Variants in MATN1 observed in about 807,000 individuals in gnomAD.
MATN1 encodes the protein matrilin-1.
Under a neutral mutation model 41.3 loss-of-function variants are expected in MATN1, and 34 were observed. The ratio of observed to expected loss-of-function variants is 0.82; its 90% CI spans 0.63 to 1.10. The LOEUF (loss-of-function observed/expected upper bound fraction) is 1.10, where lower values mean the gene tolerates loss of function less well. Among genes scored for constraint, MATN1 ranks in the 50% least tolerant of loss-of-function variants. The pLI is 0.00. For missense variants in MATN1, 602 were observed against 662.4 expected, an observed-to-expected ratio of 0.91 and a Z score of 1.00; for synonymous variants, 264 against 278.7, an observed-to-expected ratio of 0.95 and a Z score of 0.53.
At position 30,716,881 on chromosome 1, in the gene MATN1, G is replaced by A; in HGVS notation, c.699C>T (p.Asp233=). The stretch of plus-strand genomic sequence containing the variant: ...GGGAGCTGATGCACACCTGCTCACA[G>A]TCATGGTCCCCTGTGGCGCACAGGT... ...VSDLCATGDH[D]CEQVCISSPG... Residue 233 remains aspartate, a synonymous_variant, in exon 4 of 8, where the codon GAC becomes GAT. Coordinates refer to ENST00000373765, the MANE Select transcript of MATN1 (RefSeq NM_002379.3). 2 of 1,613,868 alleles carry A rather than the reference G, an allele frequency of 1.2e-6. No homozygotes were observed. Among genetic ancestry groups the A allele is most frequent in the Non-Finnish European group, 1.7e-6 (2 of 1,179,920 alleles).
At chr1:30,722,802 CAGG>C (rs1216376317) in intron 1 of MATN1, among the ~76,000 whole-genome samples, 2 of 152,216 alleles carry the variant, frequency 1.3e-5, no homozygotes, top group African/African-American at 4.8e-5. Flanking sequence ...CAGAGTTCCT[CAGG>C]AGACCTTAGA....
chr1:30,718,611 T>G (rs917044769), intron 3 of MATN1, 124 bp downstream of exon 3: 2 of 41,068 alleles, frequency 4.9e-5, no homozygotes, highest in Non-Finnish European at 8.4e-5. Flanking sequence ...GCCCCGCCCC[T>G]GCCCTGCGCC....
At position 30,716,311 on chromosome 1, in the gene MATN1, C is replaced by T; in HGVS notation, c.805G>A (p.Gly269Ser). 1 of 1,613,702 alleles carries T rather than the reference C, an allele frequency of 6.2e-7. No individual in the cohort carries two copies. ...ACCAGGTCAGTGGCCGAGCTGCCAC[C>T]ACCACCACTGCAGACTGTGGAGGAC... The part of the protein sequence containing the change: ...GKTCNVCSGG[G>S]GSSATDLVFL... The change falls in exon 5 of 8, where the codon GGT (glycine) becomes AGT (serine). Residue 269 changes from glycine (G) to serine (S), a missense_variant. Coordinates refer to ENST00000373765, the MANE Select transcript of MATN1 (RefSeq NM_002379.3).
intron 2 of MATN1, chr1:30,719,427 T>G: frequency 1.9e-5 from 3 of 159,506 alleles, no homozygotes; most frequent in Admixed American, 6.5e-5. Context: ...GGGATGGGGC[T>G]GCCGTCTCCC....
rs1193534568 is a variant in MATN1 at position 30,712,073 on chromosome 1, C to T, written c.*1509G>A. 6.6e-6 allele frequency: 1 copy of T among 152,390 alleles called. No individual in the cohort carries two copies. Among genetic ancestry groups the T allele is most frequent in the Non-Finnish European group, 1.5e-5 (1 of 68,058 alleles). The allele number at this position is 152,390 out of a possible 1,614,324, so 9.4% of individuals were successfully genotyped here. A position where few individuals can be genotyped will look rare whatever the true frequency, so the allele number is the denominator to read the frequency against. ...CGTGTTGTTATTCTGCCTCTTTGAA[C>T]TGCCTCCGAGGAAGATCTTTCGGTG... On this transcript the variant is annotated 3_prime_UTR_variant, in exon 8 of 8. Coordinates refer to ENST00000373765, the MANE Select transcript of MATN1 (RefSeq NM_002379.3).
At chr1:30,720,356 C>T (rs1259996692) in intron 2 of MATN1, 2 of 152,254 alleles carry the variant, frequency 1.3e-5, no homozygotes, top group African/African-American at 2.4e-5. Flanking sequence ...ATCTACAGCA[C>T]CCCGTGCTGA....
chr1:30,713,837 C>A, intron 7 of MATN1: 1 of 615,016 alleles, frequency 1.6e-6, no homozygotes, highest in South Asian at 1.9e-5. Flanking sequence ...TGCTCAGTTG[C>A]AGATTTAGAC....
In MATN1 at chr1:30,713,382, C is replaced by T; in HGVS notation, c.*200G>A. On this transcript the variant is annotated 3_prime_UTR_variant, in exon 8 of 8. Transcript: ENST00000373765. ...GCCCACCCTCAGGCGCACGTGCACA[C>T]ACACACACACACACACACATGCACA... The T allele has an allele frequency of 1.8e-6, 1 of 552,714 alleles. No homozygotes were observed. The highest frequency in any genetic ancestry group is 3.3e-6 in the Non-Finnish European group (1 of 299,528). 34.2% of individuals were successfully genotyped at this position (552,714 alleles called of 1,614,324 possible).
intron 2 of MATN1, 115 bp downstream of exon 2, chr1:30,721,290 A>G (rs1032659803): frequency 7.8e-6 from 8 of 1,021,766 alleles, no homozygotes; most frequent in South Asian, 4.6e-5. Context: ...TTCCCCAGCT[A>G]TGAAATGGCC....
intron 7 of MATN1, 134 bp from the exon 8 acceptor site, chr1:30,713,765 T>G (rs1419039293): frequency 1.4e-6 from 1 of 730,402 alleles, no homozygotes; most frequent in East Asian, 2.7e-5. Context: ...CCATCCACTG[T>G]CCTCAGAATG....
At chr1:30,715,421 T>C (rs1639603084) in intron 5 of MATN1, 112 bp from the exon 6 acceptor site, 4 of 957,074 alleles carry the variant, frequency 4.2e-6, no homozygotes, top group Admixed American at 2.4e-5. Context: ...TGCTGGCAGC[T>C]GCTGGAATTG....
rs1014550771 is a variant in MATN1, at chr1:30,717,507, C to T, written c.665-592G>A. Among the ~76,000 whole-genome samples the T allele has an allele frequency of 4.6e-5, 7 of 152,238 alleles. No individual in the cohort carries two copies. The East Asian group carries it at 1.2e-3, about 25-fold the overall frequency. On this transcript the variant is annotated intron_variant, in intron 3 of 7. Transcript: ENST00000373765. ...TCAGACTCTCCCGCATCACAGAAAA[C>T]TCTGGCACCCAAAACTCACGACACA...
intron 5 of MATN1, 88 bp downstream of exon 5, chr1:30,715,821 A>C (rs946094066): frequency 1.6e-5 from 22 of 1,372,762 alleles, no homozygotes; most frequent in African/African-American, 4.4e-5. Flanking sequence ...CACTAATCAG[A>C]CGACACCAAG....
rs750795869 is a variant in MATN1 at position 30,714,319 on chromosome 1, G to A, written c.1369C>T (p.Pro457Ser). ...TTCACCAGGGACTCGCAGGCACACGGGTCTTCCTCTGCAGGGGACAAGGAG... is the reference window on the plus strand; with the variant it reads ...TTCACCAGGGACTCGCAGGCACACGAGTCTTCCTCTGCAGGGGACAAGGAG... ...LQKKICVEED[P>S]CACESLVKFQ... The change falls in exon 7 of 8, where the codon CCG (proline) becomes TCG (serine). Residue 457 changes from proline (P) to serine (S), a missense_variant. Coordinates refer to ENST00000373765, the MANE Select transcript of MATN1 (RefSeq NM_002379.3). 2.5e-6 allele frequency: 4 copies of A among 1,610,114 alleles called. No individual in the cohort carries two copies. The highest frequency in any genetic ancestry group is 1.7e-6 in the Non-Finnish European group (2 of 1,178,230).
At chr1:30,717,203 A>G (rs545285361) in intron 3 of MATN1, among the ~76,000 whole-genome samples, 17 of 152,374 alleles carry the variant, frequency 1.1e-4, no homozygotes, top group Non-Finnish European at 4.4e-5. Flanking sequence ...TCACTGCTGT[A>G]TCAAGACACC....
chr1:30,713,639 C>A lies in MATN1; in HGVS notation c.1442-8G>T. 6.4e-7 allele frequency: 1 copy of A among 1,552,930 alleles called. No homozygotes were observed. On this transcript the variant is annotated splice_polypyrimidine_tract_variant and splice_region_variant and intron_variant, in intron 7 of 7. Coordinates refer to ENST00000373765, the MANE Select transcript of MATN1 (RefSeq NM_002379.3). Reference sequence around the variant, plus strand: ...GCTTACTCACAGCTTCCAGTGGACTCAGAGTTAAGGAGAGGTGCAGGTTGG... The same window carrying A: ...GCTTACTCACAGCTTCCAGTGGACTAAGAGTTAAGGAGAGGTGCAGGTTGG...
chr1:30,720,172 G>C (rs1028394930), intron 2 of MATN1: 2 of 152,082 alleles, frequency 1.3e-5, no homozygotes, highest in Admixed American at 6.6e-5. Context: ...CTTTCAGATT[G>C]TCCACCTTGC....
chr1:30,713,816 G>T, intron 7 of MATN1, 185 bp from the exon 8 acceptor site: 1 of 641,096 alleles, frequency 1.6e-6, no homozygotes, highest in South Asian at 1.8e-5. Flanking sequence ...TGAGCCACGA[G>T]TGCCCAGCCC....
chr1:30,722,901 C>T (rs1402992804), intron 1 of MATN1, among the ~76,000 whole-genome samples: 1 of 152,180 alleles, frequency 6.6e-6, no homozygotes, highest in Non-Finnish European at 1.5e-5. Context: ...AGGGAATTGG[C>T]CACACCGTAC....
Sources: allele counts gnomAD v4.1 joint callset (sites outside exome capture counted in the v4.1 genomes callset), GRCh38; gene constraint gnomAD v4.1.1; transcripts MANE v1.5; gene names NCBI Gene and HGNC (gene_info 2026-07-23, HGNC 2026-07-21).